RBFOX1: variants seen among roughly 807,000 people sequenced by gnomAD.
RBFOX1 encodes the protein RNA binding fox-1 homolog 1, also known as RNA binding protein fox-1 homolog 1.
A neutral mutation model predicts 57.7 loss-of-function variants in RBFOX1; 8 were observed. That is an observed-to-expected ratio of 0.14 (90% CI 0.08 to 0.25). The LOEUF is 0.25. Ranked by LOEUF, RBFOX1 falls within the 10% of genes least tolerant of loss-of-function variation. The pLI is 1.00. For missense variants in RBFOX1, 611 were observed against 548.5 expected (o/e 1.11, Z -1.14); for synonymous variants, 326 against 222.4 (o/e 1.47, Z -4.15).
At chr16:5,860,485 A>T (rs1241530338) in intron 3 of RBFOX1, among the ~76,000 whole-genome samples, 1 of 152,206 alleles carries the variant, frequency 6.6e-6, no homozygotes, top group Non-Finnish European at 1.5e-5. Context: ...TTTGTTTAAG[A>T]ACTCACAACC....
In RBFOX1 at chr16:7,041,645, C is replaced by G. The variant is rs1009246080; in HGVS notation, c.-15-10412C>G. Among the ~76,000 whole-genome samples the G allele has an allele frequency of 2.0e-5, 3 of 152,152 alleles. No homozygotes were observed. The East Asian group carries it at 5.8e-4, about 29-fold the overall frequency. The stretch of plus-strand genomic sequence containing the variant: ...CAGTCAGTACCAATTTACCACCCTT[C>G]TTAAAAAGATAATATCAAACCTTTC... On this transcript the variant is annotated intron_variant, in intron 3 of 15. Transcript: ENST00000550418.
chr16:5,962,391 A>C (rs757012421), intron 4 of RBFOX1, among the ~76,000 whole-genome samples: 54 of 152,174 alleles, frequency 3.5e-4, no homozygotes, highest in Non-Finnish European at 6.2e-4. Context: ...TGAAGCACTC[A>C]GGGGACCTTC....
intron 2 of RBFOX1, among the ~76,000 whole-genome samples, chr16:6,497,180 G>A (rs544773197): frequency 9.1e-4 from 138 of 152,210 alleles, no homozygotes; most frequent in Middle Eastern, 6.8e-3. Context: ...GCAACAGGCC[G>A]ACTAAACCCA....
chr16:6,628,927 G>A (rs1318873999), intron 2 of RBFOX1, among the ~76,000 whole-genome samples: 1 of 152,188 alleles, frequency 6.6e-6, no homozygotes, highest in Non-Finnish European at 1.5e-5. Flanking sequence ...CTACTAGGGA[G>A]GCTGAGACAG....
intron 4 of RBFOX1, among the ~76,000 whole-genome samples, chr16:7,103,635 T>G (rs539081000): frequency 6.6e-6 from 1 of 152,324 alleles, no homozygotes; most frequent in South Asian, 2.1e-4. Flanking sequence ...CTCTGCAGTT[T>G]ATAGTTTTTT....
intron 12 of RBFOX1, among the ~76,000 whole-genome samples, chr16:7,658,459 C>T (rs1453808373): frequency 1.3e-5 from 2 of 152,064 alleles, no homozygotes; most frequent in Non-Finnish European, 2.9e-5. Flanking sequence ...GACTGAGAAG[C>T]CACAATGCCC....
At chr16:5,292,629 G>GATTT (rs35285859) in intron 1 of RBFOX1, among the ~76,000 whole-genome samples, 75,583 of 150,238 alleles carry the variant, frequency 0.5, 19,189 homozygotes, top group South Asian at 0.64. Context: ...ATATCAGAGG[G>GATTT]ATTTATTTAT....
chr16:5,563,062 G>T (rs764538897), intron 2 of RBFOX1, among the ~76,000 whole-genome samples: 1 of 152,142 alleles, frequency 6.6e-6, no homozygotes, highest in South Asian at 2.1e-4. Flanking sequence ...TGATTGTTCT[G>T]CTTCAGCCTC....
chr16:7,455,760 C>T (rs1170744054), intron 4 of RBFOX1, among the ~76,000 whole-genome samples: 1 of 132,492 alleles, frequency 7.5e-6, no homozygotes. Context: ...GCACTCCAGC[C>T]TGGGAACAGA....
intron 3 of RBFOX1, among the ~76,000 whole-genome samples, chr16:6,764,497 C>T (rs191628327): frequency 7.2e-5 from 11 of 152,130 alleles, no homozygotes; most frequent in East Asian, 3.9e-4. Context: ...ATTCATCCCA[C>T]GGATGCTTAT....
At chr16:5,598,159 G>C (rs925684899) in intron 2 of RBFOX1, among the ~76,000 whole-genome samples, 1 of 151,978 alleles carries the variant, frequency 6.6e-6, no homozygotes, top group Non-Finnish European at 1.5e-5. Context: ...TTATCCAGGT[G>C]TGGTGGCGGG....
At chr16:5,806,816 C>A (rs570811104) in intron 3 of RBFOX1, among the ~76,000 whole-genome samples, 25 of 152,308 alleles carry the variant, frequency 1.6e-4, no homozygotes, top group African/African-American at 5.3e-4. Context: ...CCAGCTCAGC[C>A]CTCTGAAAGC....
intron 4 of RBFOX1, among the ~76,000 whole-genome samples, chr16:7,292,948 G>T (rs1020534554): frequency 5.9e-5 from 9 of 152,118 alleles, no homozygotes; most frequent in African/African-American, 2.2e-4. Context: ...AGAGGATGAA[G>T]GGGTGAGGAT....
At chr16:7,296,064 C>G (rs1051475445) in intron 4 of RBFOX1, among the ~76,000 whole-genome samples, 1 of 151,646 alleles carries the variant, frequency 6.6e-6, no homozygotes, top group Non-Finnish European at 1.5e-5. Flanking sequence ...GTGCCAGTGC[C>G]TATGCTGAGA....
chr16:7,524,221 A>G (rs147555911), intron 5 of RBFOX1, among the ~76,000 whole-genome samples: 1,639 of 152,318 alleles, frequency 0.011, 11 homozygotes, highest in Non-Finnish European at 0.019. Context: ...CATCTAATAT[A>G]TGCACATGAT....
At chr16:7,709,780 G>T (rs552585871) in intron 15 of RBFOX1, 25 of 1,087,366 alleles carry the variant, frequency 2.3e-5, no homozygotes, top group South Asian at 1.8e-4. Context: ...AAAATGGGAG[G>T]TAAGGGTGGG....
chr16:5,327,767 G>T (rs2064625475), intron 1 of RBFOX1, among the ~76,000 whole-genome samples: 1 of 152,146 alleles, frequency 6.6e-6, no homozygotes, highest in Non-Finnish European at 1.5e-5. Flanking sequence ...ATTAAGCCAA[G>T]CGAAAATGAA....
chr16:7,653,173 G>C (rs576427515), intron 11 of RBFOX1, among the ~76,000 whole-genome samples: 3 of 152,120 alleles, frequency 2.0e-5, no homozygotes, highest in Admixed American at 6.5e-5. Flanking sequence ...TGATTGATAA[G>C]ACATGACACA....
At chr16:7,701,174 G>C (rs1220173405) in intron 14 of RBFOX1, among the ~76,000 whole-genome samples, 1 of 152,078 alleles carries the variant, frequency 6.6e-6, no homozygotes, top group Non-Finnish European at 1.5e-5. Flanking sequence ...ACAGAGCCAA[G>C]TAGAGATGAC....
Sources: allele counts gnomAD v4.1 joint callset (sites outside exome capture counted in the v4.1 genomes callset), GRCh38; gene constraint gnomAD v4.1.1; transcripts MANE v1.5; gene names NCBI Gene and HGNC (gene_info 2026-07-23, HGNC 2026-07-21).